The following SLC44A3 variants were observed in gnomAD, a reference collection of about 807,000 sequenced individuals.
SLC44A3 encodes the protein solute carrier family 44 member 3.
A neutral mutation model predicts 75.4 loss-of-function variants in SLC44A3; 74 were observed. The observed-to-expected ratio is 0.98, with a 90% CI of 0.81 to 1.19. SLC44A3 has a LOEUF of 1.19. Ranked by LOEUF, SLC44A3 falls within the 50% of genes most tolerant of loss-of-function variation. The pLI is 0.00. For synonymous variants in SLC44A3, 310 were observed against 296.9 expected (o/e 1.04, Z -0.45); for missense variants, 700 against 778.6 (o/e 0.90, Z 1.20).
chr1:94,865,313 T>C (rs1178357246), intron 11 of SLC44A3, among the ~76,000 whole-genome samples: 1 of 152,222 alleles, frequency 6.6e-6, no homozygotes, highest in Admixed American at 6.5e-5. Flanking sequence ...ATTTCTGTTT[T>C]GATGCTAAAA....
At chr1:94,881,762 C>T (rs1669019766) in intron 12 of SLC44A3, among the ~76,000 whole-genome samples, 1 of 151,476 alleles carries the variant, frequency 6.6e-6, no homozygotes, top group African/African-American at 2.4e-5. Flanking sequence ...GCCTGTAATC[C>T]CAGCACTTTG....
intron 9 of SLC44A3, 87 bp from the exon 10 acceptor site, chr1:94,857,248 C>T: frequency 7.3e-7 from 1 of 1,364,392 alleles, no homozygotes; most frequent in Non-Finnish European, 9.8e-7. Context: ...ATGCCAAAGG[C>T]CAAGCATAAA....
chr1:94,860,912 C>T (rs1383467835), intron 10 of SLC44A3, among the ~76,000 whole-genome samples: 1 of 152,176 alleles, frequency 6.6e-6, no homozygotes, highest in Non-Finnish European at 1.5e-5. Flanking sequence ...GGAAAGCGTC[C>T]AGTCCAAGGT....
At chr1:94,862,887 G>A (rs902374677) in intron 10 of SLC44A3, among the ~76,000 whole-genome samples, 3 of 152,188 alleles carry the variant, frequency 2.0e-5, no homozygotes, top group Non-Finnish European at 4.4e-5. Context: ...ATTATATTTA[G>A]CATCACTGGG....
At chr1:94,868,993 C>T (rs1667472523) in intron 12 of SLC44A3, among the ~76,000 whole-genome samples, 1 of 152,272 alleles carries the variant, frequency 6.6e-6, no homozygotes, top group Non-Finnish European at 1.5e-5. Context: ...CCCCATATAC[C>T]ATGCCTATAC....
Position 94,892,493 on chromosome 1 carries a change from C to G in SLC44A3, c.1833C>G (p.Pro611=). 6.2e-7 allele frequency: 1 copy of G among 1,614,064 alleles called. No individual in the cohort carries two copies. Among genetic ancestry groups the G allele is most frequent in the South Asian group, 1.1e-5 (1 of 91,020 alleles). ...LETNDGSSEK[P]YFMDQEFLSF... ...CAAATGATGGATCGTCAGAAAAGCC[C>G]TACTTTATGGATCAAGAATTTCTGG... Residue 611 remains proline, a synonymous_variant, in exon 14 of 15, where the codon CCC becomes CCG. Coordinates refer to ENST00000271227, the MANE Select transcript of SLC44A3 (RefSeq NM_001114106.3).
intron 1 of SLC44A3, chr1:94,820,680 G>A: frequency 1.4e-6 from 2 of 1,379,572 alleles, no homozygotes; most frequent in South Asian, 1.8e-5. Context: ...GGAGACGCGG[G>A]CCGCGGGGCG....
At position 94,892,431 on chromosome 1, in the gene SLC44A3, G is replaced by A. The variant is rs201394756; in HGVS notation, c.1771G>A (p.Asp591Asn). 1.2e-6 allele frequency: 2 copies of A among 1,614,144 alleles called. No individual in the cohort carries two copies. The highest frequency in any genetic ancestry group is 2.2e-5 in the East Asian group (1 of 44,884). Residue 591 changes from aspartate (D) to asparagine (N), a missense_variant, in exon 14 of 15, where the codon GAT becomes AAT. Physicochemically the swap from Asp to Asn is conservative, Grantham distance 23. Coordinates refer to ENST00000271227, the MANE Select transcript of SLC44A3 (RefSeq NM_001114106.3). ...TTTATCTGTGTTTGAAACTGTGCTG[G>A]ATGCACTTTTCCTGTGTTTTGCTGT... ...SFLSVFETVL[D>N]ALFLCFAVDL...
chr1:94,886,842 G>A (rs1202941628), intron 12 of SLC44A3, among the ~76,000 whole-genome samples: 3 of 152,048 alleles, frequency 2.0e-5, no homozygotes, highest in African/African-American at 7.2e-5. Context: ...GTGAGAATTG[G>A]GACATAATAT....
At chr1:94,841,102 C>T (rs1663570767) in intron 7 of SLC44A3, among the ~76,000 whole-genome samples, 2 of 152,154 alleles carry the variant, frequency 1.3e-5, no homozygotes, top group African/African-American at 4.8e-5. Context: ...ATGGTATAAC[C>T]TATTACTCCT....
At chr1:94,865,144 G>A (rs1242746786) in intron 11 of SLC44A3, among the ~76,000 whole-genome samples, 1 of 152,090 alleles carries the variant, frequency 6.6e-6, no homozygotes, top group Non-Finnish European at 1.5e-5. Context: ...GATGGCGTGG[G>A]GAGGGAGTAG....
chr1:94,877,694 G>A (rs890465214), intron 12 of SLC44A3, among the ~76,000 whole-genome samples: 1 of 152,170 alleles, frequency 6.6e-6, no homozygotes, highest in Non-Finnish European at 1.5e-5. Context: ...GTTCCCAAAA[G>A]TTTTGGCAAG....
At chr1:94,862,269 C>T (rs1351392206) in intron 10 of SLC44A3, among the ~76,000 whole-genome samples, 7 of 152,148 alleles carry the variant, frequency 4.6e-5, no homozygotes. Flanking sequence ...GCCATTTGTC[C>T]CATGCAGCCC....
chr1:94,853,452 G>A (rs1665468398), intron 9 of SLC44A3, among the ~76,000 whole-genome samples: 1 of 152,206 alleles, frequency 6.6e-6, no homozygotes, highest in African/African-American at 2.4e-5. Flanking sequence ...CTTAAAGATG[G>A]GAGATAGTTG....
chr1:94,837,463 CTCCCCAAGTTTAGGTTTTTGG>C (rs1662972174), intron 5 of SLC44A3, among the ~76,000 whole-genome samples: 1 of 152,008 alleles, frequency 6.6e-6, no homozygotes, highest in South Asian at 2.1e-4. Context: ...AAAAATGTTG[CTCCCCAAGTTTAGGTTTTTGG>C]TTTCTGTGGG....
intron 12 of SLC44A3, among the ~76,000 whole-genome samples, chr1:94,868,507 T>G (rs187123880): frequency 1.3e-5 from 2 of 152,320 alleles, no homozygotes; most frequent in East Asian, 3.9e-4. Flanking sequence ...CCAGCATGTA[T>G]AAAACACAAT....
At position 94,845,773 on chromosome 1, in the gene SLC44A3, T is replaced by C. The variant is rs1167735970; in HGVS notation, c.1072+309T>C. Among the ~76,000 whole-genome samples the C allele has an allele frequency of 1.3e-5, 2 of 152,184 alleles. 1 individual carries two copies. The highest frequency in any genetic ancestry group is 3.9e-4 in the East Asian group (2 of 5,194). ...AAGAATATTACCAGATGTCTCCAGGTATGAGTTTTATCCAAGGTAATTTGC... is the reference window on the plus strand; with the variant it reads ...AAGAATATTACCAGATGTCTCCAGGCATGAGTTTTATCCAAGGTAATTTGC... On this transcript the variant is annotated intron_variant, in intron 9 of 14. Transcript: ENST00000271227.
At chr1:94,823,648 A>G (rs1250143448) in intron 2 of SLC44A3, among the ~76,000 whole-genome samples, 1 of 152,244 alleles carries the variant, frequency 6.6e-6, no homozygotes, top group East Asian at 1.9e-4. Context: ...AATTTAGGAC[A>G]ATGTACCTTT....
intron 12 of SLC44A3, among the ~76,000 whole-genome samples, chr1:94,872,385 C>T (rs931138268): frequency 3.9e-5 from 6 of 152,004 alleles, no homozygotes; most frequent in Non-Finnish European, 7.4e-5. Context: ...TGTGAGCCAC[C>T]GTGCCCGGCC....
Sources: allele counts gnomAD v4.1 joint callset (sites outside exome capture counted in the v4.1 genomes callset), GRCh38; gene constraint gnomAD v4.1.1; transcripts MANE v1.5; gene names NCBI Gene and HGNC (gene_info 2026-07-23, HGNC 2026-07-21).